The following PTPN4 variants were observed in gnomAD, a reference collection of about 807,000 sequenced individuals.
PTPN4 encodes the protein protein tyrosine phosphatase non-receptor type 4.
In PTPN4, 49 loss-of-function variants were observed where a neutral mutation model predicts 135.5. The observed-to-expected ratio is 0.36, with a 90% confidence interval of 0.29 to 0.46. The LOEUF (loss-of-function observed/expected upper bound fraction) is 0.46. Ranked by LOEUF, PTPN4 falls within the 20% of genes least tolerant of loss-of-function variation. The pLI, the probability that PTPN4 is intolerant of heterozygous loss-of-function variation, is 1.00. For missense variants in PTPN4, 860 were observed against 1,101.0 expected (o/e 0.78, Z 3.10); for synonymous variants, 333 against 369.9 (o/e 0.90, Z 1.14).
intron 2 of PTPN4, among the ~76,000 whole-genome samples, chr2:119,822,579 G>T (rs1046038214): frequency 6.6e-6 from 1 of 151,974 alleles, no homozygotes; most frequent in African/African-American, 2.4e-5. Flanking sequence ...GGTTGGTCTC[G>T]ATCTCCTCAC....
chr2:119,914,933 A>C (rs997709799), intron 10 of PTPN4, among the ~76,000 whole-genome samples: 6 of 152,146 alleles, frequency 3.9e-5, no homozygotes, highest in African/African-American at 1.4e-4. Flanking sequence ...TAGTTTTTGA[A>C]ATTTTAATTT....
chr2:119,900,778 A>T lies in PTPN4; in HGVS notation c.736A>T (p.Asn246Tyr), dbSNP rs866846049. The T allele has an allele frequency of 2.5e-6, 4 of 1,586,082 alleles. No homozygotes were observed. The highest frequency in any genetic ancestry group is 3.4e-6 in the Non-Finnish European group (4 of 1,163,954). ...GTCAGGAGGAATTCTGATTTATAAGAACAGGGTACGAATGAATACCTTTCC... is the reference window on the plus strand; with the variant it reads ...GTCAGGAGGAATTCTGATTTATAAGTACAGGGTACGAATGAATACCTTTCC... Reference protein sequence around the residue: ...VMSGGILIYKNRVRMNTFPWL... With the variant: ...VMSGGILIYKYRVRMNTFPWL... The change falls in exon 10 of 27, where the codon AAC (asparagine) becomes TAC (tyrosine). Residue 246 changes from asparagine to tyrosine, a missense_variant. Asn to Tyr is a moderately radical substitution (Grantham distance 143). This residue lies in a region of PTPN4 where 684 missense variants were observed against 807.0 expected (regional missense o/e 0.85). Transcript: ENST00000263708.
chr2:119,880,691 C>T (rs1047493449), intron 5 of PTPN4, among the ~76,000 whole-genome samples: 5 of 151,682 alleles, frequency 3.3e-5, no homozygotes, highest in East Asian at 1.9e-4. Flanking sequence ...CTGCCCGCCT[C>T]GGCCTCCCAG....
Position 119,945,787 on chromosome 2 carries a change from C to T in PTPN4, c.1515+547C>T, listed in dbSNP as rs368358123. On this transcript the variant is annotated intron_variant, in intron 16 of 26. Transcript: ENST00000263708. ...GGATGGCAGGTGGGAAAATGGGGAACGACTGCTAATGGATACAAGATTTCT... is the reference window on the plus strand; with the variant it reads ...GGATGGCAGGTGGGAAAATGGGGAATGACTGCTAATGGATACAAGATTTCT... Among the ~76,000 whole-genome samples the T allele has an allele frequency of 1.7e-3, 256 of 151,864 alleles. 3 individuals carry two copies. In the South Asian group the frequency reaches 0.029, roughly 17 times the overall value.
intron 1 of PTPN4, among the ~76,000 whole-genome samples, chr2:119,796,916 A>C (rs1466791711): frequency 6.6e-6 from 1 of 151,416 alleles, no homozygotes; most frequent in Non-Finnish European, 1.5e-5. Context: ...TCTGATAGGT[A>C]GGTAGTGATA....
intron 9 of PTPN4, 57 bp from the exon 10 acceptor site, chr2:119,900,661 T>C: frequency 9.3e-7 from 1 of 1,077,218 alleles, no homozygotes; most frequent in East Asian, 2.6e-5. Flanking sequence ...TTAAAATATA[T>C]CTCTAACAAA....
chr2:119,928,007 A>G (rs1202296270), intron 13 of PTPN4, among the ~76,000 whole-genome samples: 1 of 152,186 alleles, frequency 6.6e-6, no homozygotes, highest in Non-Finnish European at 1.5e-5. Context: ...AAGAAAATTT[A>G]TCATCCCAAG....
intron 2 of PTPN4, among the ~76,000 whole-genome samples, chr2:119,831,005 A>G (rs1366608926): frequency 2.6e-5 from 4 of 152,102 alleles, no homozygotes; most frequent in Non-Finnish European, 4.4e-5. Flanking sequence ...GCAGTACCCA[A>G]ACTTTTTGGC....
In PTPN4 at chr2:119,965,508, T is replaced by C; in HGVS notation, c.2421T>C (p.Ser807=). 1 of 1,602,674 alleles carries C rather than the reference T, an allele frequency of 6.2e-7. No individual in the cohort carries two copies. Among genetic ancestry groups the C allele is most frequent in the South Asian group, 1.1e-5 (1 of 88,506 alleles). ...TCATTTGTTCTTAGAAAAATGAAAG[T>C]CGTCCACTCACTCAGATCCAGTACA... ...MTLFNQEKNE[S]RPLTQIQYIA... is the part of the protein sequence containing the mutation. The change falls in exon 25 of 27, where the codon AGT becomes AGC. Residue 807 remains serine, a synonymous_variant. Transcript: ENST00000263708.
chr2:119,796,169 G>A (rs1013585618), intron 1 of PTPN4, among the ~76,000 whole-genome samples: 5 of 152,210 alleles, frequency 3.3e-5, no homozygotes, highest in African/African-American at 1.2e-4. Context: ...TGCTCCTGCT[G>A]CCACTGCTCT....
intron 15 of PTPN4, among the ~76,000 whole-genome samples, chr2:119,942,222 C>T (rs967625589): frequency 1.3e-5 from 2 of 152,130 alleles, no homozygotes; most frequent in African/African-American, 2.4e-5. Context: ...AGAGATTCAA[C>T]AGTTTTAGCA....
chr2:119,808,883 T>G (rs1399671357), intron 1 of PTPN4, among the ~76,000 whole-genome samples: 1 of 152,250 alleles, frequency 6.6e-6, no homozygotes, highest in Non-Finnish European at 1.5e-5. Flanking sequence ...CTCCAGGTAT[T>G]ATCACTGATT....
chr2:119,882,768 G>A (rs922579340), intron 8 of PTPN4, 145 bp downstream of exon 8: 17 of 753,288 alleles, frequency 2.3e-5, no homozygotes, highest in Admixed American at 2.0e-4. Context: ...AAATATAGGT[G>A]ATCTATGCTA....
At chr2:119,802,709 G>C (rs940201111) in intron 1 of PTPN4, among the ~76,000 whole-genome samples, 1 of 152,078 alleles carries the variant, frequency 6.6e-6, no homozygotes, top group Non-Finnish European at 1.5e-5. Context: ...TTTCCATCAG[G>C]ATAAAATTGG....
At chr2:119,943,534 A>G (rs1309173160) in intron 15 of PTPN4, among the ~76,000 whole-genome samples, 1 of 151,190 alleles carries the variant, frequency 6.6e-6, no homozygotes, top group Non-Finnish European at 1.5e-5. Context: ...CTCATGGGCA[A>G]GGGAAAAAAG....
intron 22 of PTPN4, among the ~76,000 whole-genome samples, chr2:119,957,305 T>A (rs1169703678): frequency 6.6e-6 from 1 of 152,118 alleles, no homozygotes; most frequent in Non-Finnish European, 1.5e-5. Flanking sequence ...ATACTAGAAT[T>A]TTGTTTATGG....
chr2:119,867,096 T>C (rs1057175653), intron 3 of PTPN4, among the ~76,000 whole-genome samples: 1 of 152,122 alleles, frequency 6.6e-6, no homozygotes, highest in Admixed American at 6.6e-5. Flanking sequence ...AGTTTTAGTA[T>C]TAAACCTTTA....
rs200141251 is a variant in PTPN4 at position 119,920,131 on chromosome 2, G to T, written c.891G>T (p.Leu297Phe). The T allele has an allele frequency of 6.2e-7, 1 of 1,613,200 alleles. No homozygotes were observed. The highest frequency in any genetic ancestry group is 8.5e-7 in the Non-Finnish European group (1 of 1,179,660). Reference protein sequence around the residue: ...NMVNYRACKNLWKACVEHHTF... With the variant: ...NMVNYRACKNFWKACVEHHTF... ...TGAATTACAGAGCATGTAAAAATTT[G>T]TGGAAAGCATGTGTAGAACATCACA... Residue 297 changes from leucine (L) to phenylalanine (F), a missense_variant, in exon 12 of 27, where the codon TTG becomes TTT. Transcript: ENST00000263708.
chr2:119,938,488 C>T (rs1401798346), intron 15 of PTPN4, among the ~76,000 whole-genome samples: 2 of 151,798 alleles, frequency 1.3e-5, no homozygotes, highest in Non-Finnish European at 2.9e-5. Flanking sequence ...GCCCTGGTGC[C>T]CCCTCCTTTA....
Sources: allele counts gnomAD v4.1 joint callset (sites outside exome capture counted in the v4.1 genomes callset), GRCh38; gene constraint gnomAD v4.1.1; regional missense constraint gnomAD v4.1.1; transcripts MANE v1.5; gene names NCBI Gene and HGNC (gene_info 2026-07-23, HGNC 2026-07-21).